SLC2A13: variants seen among roughly 807,000 people sequenced by gnomAD.
The protein encoded by SLC2A13 is solute carrier family 2 member 13.
In SLC2A13, 32 loss-of-function variants were observed where a neutral mutation model predicts 64.4. The observed-to-expected ratio is 0.50, with a 90% CI of 0.37 to 0.67. SLC2A13 has a LOEUF of 0.67. SLC2A13 is among the 30% of genes least tolerant of loss of function. SLC2A13 has a pLI of 0.00. For synonymous variants in SLC2A13, 338 were observed against 327.1 expected, an observed-to-expected ratio of 1.03 and a Z score of -0.36; for missense variants, 743 against 829.2, an observed-to-expected ratio of 0.90 and a Z score of 1.28.
chr12:39,880,389 T>C (rs1202464060), intron 4 of SLC2A13, among the ~76,000 whole-genome samples: 1 of 152,222 alleles, frequency 6.6e-6, no homozygotes, highest in Non-Finnish European at 1.5e-5. Context: ...TTTCATGTAT[T>C]TGGTACACTG....
chr12:40,032,938 G>A (rs147584933), intron 2 of SLC2A13, among the ~76,000 whole-genome samples: 2 of 152,134 alleles, frequency 1.3e-5, no homozygotes, highest in Non-Finnish European at 2.9e-5. Context: ...TGAAAATCTA[G>A]TTGAATGCAC....
chr12:39,920,320 A>G (rs188786497), intron 4 of SLC2A13, among the ~76,000 whole-genome samples: 1 of 152,264 alleles, frequency 6.6e-6, no homozygotes, highest in Admixed American at 6.5e-5. Flanking sequence ...AACCTAGCAC[A>G]TTGTTCTGAA....
intron 7 of SLC2A13, among the ~76,000 whole-genome samples, chr12:39,793,746 G>A (rs977061541): frequency 6.6e-6 from 1 of 152,060 alleles, no homozygotes; most frequent in Non-Finnish European, 1.5e-5. Flanking sequence ...TCATGCACCT[G>A]CTTTTCCTCT....
intron 4 of SLC2A13, among the ~76,000 whole-genome samples, chr12:39,899,005 T>C (rs563303020): frequency 5.1e-4 from 78 of 152,298 alleles, no homozygotes; most frequent in African/African-American, 1.7e-3. Context: ...TAAAATGAGT[T>C]AGGGAGGATT....
intron 1 of SLC2A13, among the ~76,000 whole-genome samples, chr12:40,067,361 C>T (rs981505283): frequency 6.6e-6 from 1 of 152,060 alleles, no homozygotes; most frequent in African/African-American, 2.4e-5. Flanking sequence ...GCCACCACGC[C>T]TGGCTAATTT....
intron 3 of SLC2A13, among the ~76,000 whole-genome samples, chr12:40,018,982 A>C (rs1336919555): frequency 6.6e-6 from 1 of 152,202 alleles, no homozygotes; most frequent in African/African-American, 2.4e-5. Context: ...TTTAATAATA[A>C]GTTAAGGAAC....
At chr12:39,916,499 A>G (rs1187321364) in intron 4 of SLC2A13, among the ~76,000 whole-genome samples, 1 of 152,138 alleles carries the variant, frequency 6.6e-6, no homozygotes, top group African/African-American at 2.4e-5. Flanking sequence ...ATGTATCCCA[A>G]TACCACATAC....
chr12:39,803,410 A>G (rs1941868899), intron 7 of SLC2A13, among the ~76,000 whole-genome samples: 1 of 152,178 alleles, frequency 6.6e-6, no homozygotes, highest in East Asian at 1.9e-4. Context: ...ATTAAACTTT[A>G]GACCATAAAA....
intron 6 of SLC2A13, among the ~76,000 whole-genome samples, chr12:39,859,124 T>A (rs1281820302): frequency 2.0e-5 from 3 of 152,122 alleles, no homozygotes; most frequent in African/African-American, 7.2e-5. Flanking sequence ...GTCACCACCA[T>A]CTACAGATGA....
chr12:39,760,915 G>A (rs1415689605), intron 9 of SLC2A13, among the ~76,000 whole-genome samples: 2 of 40,626 alleles, frequency 4.9e-5, no homozygotes, highest in African/African-American at 7.3e-5. Context: ...ATTGAATTCC[G>A]ACCAGCCTGG....
At chr12:39,937,460 G>T (rs529808940) in intron 4 of SLC2A13, among the ~76,000 whole-genome samples, 1 of 152,272 alleles carries the variant, frequency 6.6e-6, no homozygotes, top group Non-Finnish European at 1.5e-5. Context: ...TTGGGGACAA[G>T]GTTCTGCTTT....
intron 3 of SLC2A13, among the ~76,000 whole-genome samples, chr12:40,018,952 A>C (rs911549047): frequency 5.3e-5 from 8 of 152,248 alleles, no homozygotes; most frequent in African/African-American, 1.9e-4. Context: ...AGATACATTC[A>C]AACAAGATTG....
intron 7 of SLC2A13, among the ~76,000 whole-genome samples, chr12:39,782,556 G>C (rs935296600): frequency 6.6e-6 from 1 of 152,080 alleles, no homozygotes; most frequent in African/African-American, 2.4e-5. Context: ...CCAGTTTTGG[G>C]TATGTCTTTA....
intron 1 of SLC2A13, among the ~76,000 whole-genome samples, chr12:40,084,845 T>A (rs1298292624): frequency 5.3e-5 from 8 of 152,206 alleles, no homozygotes; most frequent in African/African-American, 9.7e-5. Context: ...TCTTTTTGTA[T>A]GCTAGTAAGT....
Position 39,976,840 on chromosome 12 carries a change from T to G in SLC2A13, c.926-25475A>C, listed in dbSNP as rs552937043. 1.2e-4 allele frequency among the ~76,000 whole-genome samples: 18 copies of G among 152,334 alleles called. No individual in the cohort carries two copies. In the South Asian group the frequency reaches 3.1e-3, roughly 26 times the overall value. On this transcript the variant is annotated intron_variant, in intron 3 of 9. Coordinates refer to ENST00000280871, the MANE Select transcript of SLC2A13 (RefSeq NM_052885.4). ...CAAAACTTCCAACTTTCTGGACACT[T>G]AACATCTCTTGGCACTTTCTGGCCT...
rs1205165252 is a variant in SLC2A13 at position 39,932,563 on chromosome 12, C to T, written c.1034+18694G>A. ...TTAACAGTACAGATGGGGGCTCTAC[C>T]CATGGAGCTTAATAAACAAATAAAT... On this transcript the variant is annotated intron_variant, in intron 4 of 9. Coordinates refer to ENST00000280871, the MANE Select transcript of SLC2A13 (RefSeq NM_052885.4). Among the ~76,000 whole-genome samples, 4 of 152,090 alleles carry T rather than the reference C, an allele frequency of 2.6e-5. No homozygotes were observed. In the East Asian group the frequency reaches 7.7e-4, roughly 29 times the overall value.
intron 4 of SLC2A13, among the ~76,000 whole-genome samples, chr12:39,933,474 T>C (rs1419502562): frequency 1.3e-5 from 2 of 152,208 alleles, no homozygotes; most frequent in African/African-American, 2.4e-5. Context: ...GAGGTTCCCA[T>C]ACTTTCTTGC....
intron 7 of SLC2A13, among the ~76,000 whole-genome samples, chr12:39,771,977 G>C (rs1940595069): frequency 1.3e-5 from 2 of 152,044 alleles, no homozygotes; most frequent in South Asian, 2.1e-4. Flanking sequence ...TCTACTGTCA[G>C]TATCTACCAT....
At chr12:39,907,469 C>T (rs1040980681) in intron 4 of SLC2A13, among the ~76,000 whole-genome samples, 34 of 152,160 alleles carry the variant, frequency 2.2e-4, no homozygotes, top group African/African-American at 7.5e-4. Context: ...AAAAATGGAC[C>T]TCAGTGCCCT....
Sources: allele counts gnomAD v4.1 joint callset (sites outside exome capture counted in the v4.1 genomes callset), GRCh38; gene constraint gnomAD v4.1.1; transcripts MANE v1.5; gene names NCBI Gene and HGNC (gene_info 2026-07-23, HGNC 2026-07-21).